Variants in SCLT1 observed in about 807,000 individuals in gnomAD.
SCLT1 encodes sodium channel and clathrin linker 1.
In SCLT1, 78 loss-of-function variants were observed where a neutral mutation model predicts 112.8. The observed-to-expected ratio is 0.69, with a 90% CI of 0.58 to 0.83. The LOEUF (loss-of-function observed/expected upper bound fraction) is 0.83. Among genes scored for constraint, SCLT1 ranks in the 40% least tolerant of loss-of-function variants. The pLI, the probability that SCLT1 is intolerant of heterozygous loss-of-function variation, is 0.00. For synonymous variants in SCLT1, 257 were observed against 254.7 expected (o/e 1.01, Z -0.09); for missense variants, 747 against 770.4 (o/e 0.97, Z 0.36).
At chr4:129,088,256 A>G (rs1561073320) in intron 1 of SCLT1, among the ~76,000 whole-genome samples, 1 of 152,222 alleles carries the variant, frequency 6.6e-6, no homozygotes, top group Non-Finnish European at 1.5e-5. Flanking sequence ...CTCTATTAAC[A>G]AACAAAAAAT....
At chr4:129,022,991 C>T (rs187698958) in intron 5 of SCLT1, among the ~76,000 whole-genome samples, 10 of 152,240 alleles carry the variant, frequency 6.6e-5, no homozygotes, top group Admixed American at 3.3e-4. Flanking sequence ...GGGCCAATAT[C>T]CAACAATCTT....
chr4:129,050,880 C>A (rs1167214064), intron 2 of SCLT1, among the ~76,000 whole-genome samples: 1 of 151,982 alleles, frequency 6.6e-6, no homozygotes, highest in Non-Finnish European at 1.5e-5. Context: ...AATCTTTAAA[C>A]CATCATGAGA....
chr4:128,940,702 T>C lies in SCLT1; in HGVS notation c.1632+2294A>G, dbSNP rs113597647. Among the ~76,000 whole-genome samples, 861 of 152,032 alleles carry C rather than the reference T, an allele frequency of 5.7e-3. 15 individuals carry two copies. The highest frequency in any genetic ancestry group is 0.019 in the African/African-American group (804 of 41,548). ...TAAATAAAAGCAATTATGTAGAAGT[T>C]AGAAGTATTATCTGAGTTTTGGGAG... On this transcript the variant is annotated intron_variant, in intron 17 of 20. Transcript: ENST00000281142.
intron 6 of SCLT1, among the ~76,000 whole-genome samples, chr4:129,001,870 AG>A (rs1478949205): frequency 3.3e-5 from 5 of 152,066 alleles, no homozygotes; most frequent in African/African-American, 1.2e-4. Flanking sequence ...CATATGTGCT[AG>A]ACATATAAGC....
intron 12 of SCLT1, 71 bp downstream of exon 12, chr4:128,959,529 C>A: frequency 8.9e-7 from 1 of 1,123,902 alleles, no homozygotes; most frequent in Non-Finnish European, 1.3e-6. Flanking sequence ...TATTGAATCC[C>A]TTACTGTGAG....
chr4:129,051,363 G>C (rs1748775357), intron 2 of SCLT1, among the ~76,000 whole-genome samples: 1 of 152,176 alleles, frequency 6.6e-6, no homozygotes, highest in Admixed American at 6.5e-5. Flanking sequence ...CATGAGCATG[G>C]AATGTTTTTC....
chr4:129,067,084 T>G (rs969071717), intron 2 of SCLT1, among the ~76,000 whole-genome samples: 4 of 152,200 alleles, frequency 2.6e-5, no homozygotes, highest in South Asian at 4.1e-4. Flanking sequence ...GTATTAGTTT[T>G]ATCTTCTATA....
intron 1 of SCLT1, among the ~76,000 whole-genome samples, chr4:129,087,333 C>T (rs1445245339): frequency 1.3e-5 from 2 of 152,148 alleles, no homozygotes; most frequent in Admixed American, 6.5e-5. Flanking sequence ...GTCCAGTTGG[C>T]TTCACTGGTG....
chr4:129,053,852 T>C (rs1579862919), intron 2 of SCLT1, among the ~76,000 whole-genome samples: 1 of 152,110 alleles, frequency 6.6e-6, no homozygotes, highest in African/African-American at 2.4e-5. Flanking sequence ...ATAGTGTCAA[T>C]GGTCTTTACA....
intron 6 of SCLT1, among the ~76,000 whole-genome samples, chr4:129,001,436 T>C (rs1456741292): frequency 6.6e-6 from 1 of 152,086 alleles, no homozygotes; most frequent in East Asian, 1.9e-4. Flanking sequence ...AACTTACTAT[T>C]TGGACAAACT....
rs557759826 is a variant in SCLT1, at chr4:128,997,910, G to A, written c.579C>T (p.Thr193=). The change falls in exon 8 of 21, where the codon ACC becomes ACT. Residue 193 remains threonine, a synonymous_variant. Coordinates refer to ENST00000281142, the MANE Select transcript of SCLT1 (RefSeq NM_144643.4). ...TCTCATTAGTAACATGAAGTTGTTT[G>A]GTCAGTTGTTGAAAATCAAATAGCT... is the stretch of plus-strand genomic sequence containing the variant. ...KDQLFDFQQL[T]KQLHVTNENM... is the part of the protein sequence containing the mutation. 1.8e-5 allele frequency: 27 copies of A among 1,513,992 alleles called. 1 individual carries two copies. In the South Asian group the frequency reaches 3.6e-4, roughly 20 times the overall value. 93.8% of individuals were successfully genotyped at this position (1,513,992 alleles called of 1,614,324 possible).
At chr4:128,975,649 T>C (rs1170989077) in intron 9 of SCLT1, among the ~76,000 whole-genome samples, 1 of 152,166 alleles carries the variant, frequency 6.6e-6, no homozygotes, top group African/African-American at 2.4e-5. Context: ...TATTCTTAAT[T>C]TTTTCCTCTT....
At chr4:128,888,557 T>C (rs564125354) in intron 20 of SCLT1, 122 bp downstream of exon 20, 1 of 556,494 alleles carries the variant, frequency 1.8e-6, no homozygotes, top group Non-Finnish European at 3.1e-6. Flanking sequence ...ACCTCACATA[T>C]TAAAGGGATT....
chr4:129,082,997 C>A (rs554343785), intron 1 of SCLT1, among the ~76,000 whole-genome samples: 15 of 151,720 alleles, frequency 9.9e-5, no homozygotes, highest in African/African-American at 3.6e-4. Flanking sequence ...TTCGAGACCA[C>A]CCTGGCCAAC....
At position 129,057,513 on chromosome 4, in the gene SCLT1, GT is replaced by G. The variant is rs148584066; in HGVS notation, c.103-13463del. 8.2e-3 allele frequency among the ~76,000 whole-genome samples: 1,172 copies of G among 142,594 alleles called. 13 individuals are homozygous for G. The highest frequency in any genetic ancestry group is 0.029 in the African/African-American group (1,122 of 38,686). 93.5% of individuals were successfully genotyped at this position (142,594 alleles called of 152,430 possible). ...TAAGAATTAATATTATTCTTTAAAT[GT>G]TTTGGTAGAATTCAGCAGTGAAGCC... On this transcript the variant is annotated intron_variant, in intron 2 of 20. Coordinates refer to ENST00000281142, the MANE Select transcript of SCLT1 (RefSeq NM_144643.4).
At position 129,079,011 on chromosome 4, in the gene SCLT1, A is replaced by G. The variant is rs563629738; in HGVS notation, c.102+3295T>C. ...AGGTACTACCCATTTATAAGCAAGC[A>G]GATTTCATGAGAACTCACTCACTAT... On this transcript the variant is annotated intron_variant, in intron 2 of 20. Coordinates refer to ENST00000281142, the MANE Select transcript of SCLT1 (RefSeq NM_144643.4). Among the ~76,000 whole-genome samples the G allele has an allele frequency of 2.0e-5, 3 of 152,302 alleles. No homozygotes were observed. In the South Asian group the frequency reaches 6.2e-4, roughly 32 times the overall value.
intron 2 of SCLT1, among the ~76,000 whole-genome samples, chr4:129,069,718 C>T (rs372601124): frequency 6.6e-6 from 1 of 152,130 alleles, no homozygotes; most frequent in East Asian, 1.9e-4. Flanking sequence ...AGTTTCACTT[C>T]CTCTTTGCCA....
chr4:128,962,344 C>A (rs958040245), intron 11 of SCLT1, among the ~76,000 whole-genome samples: 3 of 152,284 alleles, frequency 2.0e-5, no homozygotes, highest in Non-Finnish European at 2.9e-5. Context: ...ATAGTCTGCA[C>A]AATCATTATT....
intron 20 of SCLT1, among the ~76,000 whole-genome samples, chr4:128,884,778 A>C (rs1732763977): frequency 6.6e-6 from 1 of 152,110 alleles, no homozygotes; most frequent in Non-Finnish European, 1.5e-5. Flanking sequence ...CTTCTACTTC[A>C]GCCTCTTCAG....
Sources: allele counts gnomAD v4.1 joint callset (sites outside exome capture counted in the v4.1 genomes callset), GRCh38; gene constraint gnomAD v4.1.1; transcripts MANE v1.5; gene names NCBI Gene and HGNC (gene_info 2026-07-23, HGNC 2026-07-21).